Variants in USP6NL observed in about 807,000 individuals in gnomAD.
USP6NL encodes the protein USP6 N-terminal-like protein.
USP6NL carries 26 observed loss-of-function variants against 61.9 expected under a neutral mutation model. The ratio of observed to expected loss-of-function variants is 0.42; its 90% confidence interval spans 0.31 to 0.58. The LOEUF (loss-of-function observed/expected upper bound fraction) is 0.58. Among genes scored for constraint, USP6NL ranks in the 20% least tolerant of loss-of-function variants. The pLI is 0.16. For synonymous variants in USP6NL, 432 were observed against 390.1 expected, an observed-to-expected ratio of 1.11 and a Z score of -1.27; for missense variants, 1,114 against 1,034.3, an observed-to-expected ratio of 1.08 and a Z score of -1.06.
intron 2 of USP6NL, among the ~76,000 whole-genome samples, chr10:11,547,837 A>G (rs950731457): frequency 1.3e-4 from 20 of 152,334 alleles, no homozygotes; most frequent in Admixed American, 5.2e-4. Flanking sequence ...CACTGCACCC[A>G]GCCAAAACTT....
chr10:11,460,510 T>C lies in USP6NL; in HGVS notation c.*1931A>G, dbSNP rs2096210152. 2.0e-5 allele frequency: 3 copies of C among 151,462 alleles called. No individual in the cohort carries two copies. The highest frequency in any genetic ancestry group is 2.0e-4 in the Admixed American group (3 of 15,224). The allele number at this position is 151,462 out of a possible 1,614,324, so 9.4% of individuals were successfully genotyped here. Reference sequence around the variant, plus strand: ...AAAAATGCACATAAAAGACACAAAATATACTTATTACTTTTAGCATGTTAA... The same window carrying C: ...AAAAATGCACATAAAAGACACAAAACATACTTATTACTTTTAGCATGTTAA... On this transcript the variant is annotated 3_prime_UTR_variant, in exon 15 of 15. Transcript: ENST00000609104.
At chr10:11,521,388 A>AT (rs2133384100) in intron 4 of USP6NL, among the ~76,000 whole-genome samples, 1 of 124,508 alleles carries the variant, frequency 8.0e-6, no homozygotes, top group Non-Finnish European at 1.6e-5. Flanking sequence ...TTTTTTTTTA[A>AT]ATTTTTTTTT....
At chr10:11,545,475 G>A (rs115095184) in intron 2 of USP6NL, among the ~76,000 whole-genome samples, 2,615 of 152,292 alleles carry the variant, frequency 0.017, 68 homozygotes, top group African/African-American at 0.058. Flanking sequence ...TTCTCTACGC[G>A]TGAACAGCAG....
chr10:11,571,879 AACTGT>A (rs1837378332), intron 2 of USP6NL, among the ~76,000 whole-genome samples: 2 of 151,260 alleles, frequency 1.3e-5, no homozygotes, highest in African/African-American at 4.8e-5. Flanking sequence ...CAAAAAAAAA[AACTGT>A]CTGAAAAATT....
chr10:11,492,426 CTCAT>C (rs1231663619), intron 8 of USP6NL, among the ~76,000 whole-genome samples: 2 of 152,208 alleles, frequency 1.3e-5, no homozygotes, highest in Admixed American at 1.3e-4. Flanking sequence ...CTGGGCAGGC[CTCAT>C]TCAATCTGTT....
chr10:11,609,152 C>A (rs1432549845), intron 1 of USP6NL, among the ~76,000 whole-genome samples: 3 of 152,164 alleles, frequency 2.0e-5, no homozygotes, highest in African/African-American at 7.2e-5. Flanking sequence ...GCAACCTCTA[C>A]CTCCCAGACT....
chr10:11,559,322 T>C (rs567409373), intron 2 of USP6NL, among the ~76,000 whole-genome samples: 110 of 152,228 alleles, frequency 7.2e-4, no homozygotes, highest in African/African-American at 2.5e-3. Flanking sequence ...AACAGAAAAA[T>C]TAGAATTTCA....
intron 2 of USP6NL, among the ~76,000 whole-genome samples, chr10:11,534,307 C>G (rs1262655794): frequency 6.6e-6 from 1 of 152,222 alleles, no homozygotes; most frequent in African/African-American, 2.4e-5. Flanking sequence ...ATACCAACTG[C>G]AATGGTCCTG....
intron 2 of USP6NL, among the ~76,000 whole-genome samples, chr10:11,565,931 TA>T (rs34407002): frequency 0.27 from 41,763 of 152,076 alleles, 6,385 homozygotes; most frequent in East Asian, 0.59. Context: ...TGAAGATTCT[TA>T]CTCTTCAACC....
At chr10:11,534,421 A>G (rs1835762414) in intron 2 of USP6NL, among the ~76,000 whole-genome samples, 1 of 152,270 alleles carries the variant, frequency 6.6e-6, no homozygotes, top group Non-Finnish European at 1.5e-5. Flanking sequence ...GCAGGCCAAA[A>G]TTAGACATTT....
chr10:11,576,815 A>T (rs1253882319), intron 2 of USP6NL, among the ~76,000 whole-genome samples: 1 of 152,196 alleles, frequency 6.6e-6, no homozygotes, highest in African/African-American at 2.4e-5. Flanking sequence ...TTATTCAGAA[A>T]TGTCCTAGCT....
chr10:11,462,335 G>A lies in USP6NL; in HGVS notation c.*106C>T, dbSNP rs1003601156. On this transcript the variant is annotated 3_prime_UTR_variant, in exon 15 of 15. Coordinates refer to ENST00000609104, the MANE Select transcript of USP6NL (RefSeq NM_014688.5). ...CTTACTACTAACAGACAGGAGAGAT[G>A]TGCGAGTTGTTTACAATAGTATAAA... 1.1e-5 allele frequency: 14 copies of A among 1,267,140 alleles called. No homozygotes were observed. The highest frequency in any genetic ancestry group is 1.5e-5 in the Non-Finnish European group (14 of 935,378). 78.5% of individuals were successfully genotyped at this position (1,267,140 alleles called of 1,614,324 possible). A position where few individuals can be genotyped will look rare whatever the true frequency, so the allele number is the denominator to read the frequency against.
intron 2 of USP6NL, among the ~76,000 whole-genome samples, chr10:11,581,398 T>C (rs1837767403): frequency 6.6e-6 from 1 of 152,272 alleles, no homozygotes; most frequent in Non-Finnish European, 1.5e-5. Flanking sequence ...GACTCTGCTC[T>C]AAGCCTACAA....
intron 5 of USP6NL, among the ~76,000 whole-genome samples, chr10:11,516,911 G>A (rs1031336001): frequency 6.6e-6 from 1 of 152,078 alleles, no homozygotes; most frequent in Admixed American, 6.6e-5. Context: ...GCATCCTCCT[G>A]TGTCTGATAT....
chr10:11,579,707 T>G (rs1258968115), intron 2 of USP6NL, among the ~76,000 whole-genome samples: 1 of 152,238 alleles, frequency 6.6e-6, no homozygotes, highest in Non-Finnish European at 1.5e-5. Flanking sequence ...CTTATCCCAG[T>G]GAATTTTAGC....
intron 2 of USP6NL, among the ~76,000 whole-genome samples, chr10:11,588,057 C>A (rs1038569529): frequency 1.3e-5 from 2 of 152,190 alleles, no homozygotes; most frequent in African/African-American, 4.8e-5. Context: ...ACCAGTCACA[C>A]CTGTTAGGTC....
intron 5 of USP6NL, among the ~76,000 whole-genome samples, chr10:11,517,654 G>C (rs1835013309): frequency 2.6e-5 from 4 of 152,222 alleles, no homozygotes; most frequent in Admixed American, 6.5e-5. Context: ...CTGCCTATAG[G>C]GTTCTCTATA....
In USP6NL at chr10:11,589,518, A is replaced by G. The variant is rs1838089678; in HGVS notation, c.4+8113T>C. 6.6e-6 allele frequency among the ~76,000 whole-genome samples: 1 copy of G among 152,216 alleles called. No homozygotes were observed. The highest frequency in any genetic ancestry group is 1.5e-5 in the Non-Finnish European group (1 of 68,040). ...TATAATTTACATAAAAACTTAATAC[A>G]TATATACATGTTAGCTTTTACAAAT... On this transcript the variant is annotated intron_variant, in intron 2 of 14. Transcript: ENST00000609104. This position sits in a 1 kb window ranked among gnomAD's most constrained non-coding sequence, Gnocchi z 4.7.
At chr10:11,567,973 G>A (rs563182338) in intron 2 of USP6NL, among the ~76,000 whole-genome samples, 2 of 152,240 alleles carry the variant, frequency 1.3e-5, no homozygotes, top group East Asian at 1.9e-4. Flanking sequence ...TAATGCCCAC[G>A]CTCTTAGCTA....
Sources: gnomAD v4.1 joint callset for allele counts (sites outside exome capture counted in the v4.1 genomes callset) on GRCh38, gnomAD v4.1.1 for gene constraint, Gnocchi (gnomAD v3.1) non-coding constraint, MANE v1.5 for transcripts, NCBI Gene and HGNC (gene_info 2026-07-23, HGNC 2026-07-21) for gene names.